Variants in FA2H observed in about 807,000 individuals in gnomAD.
The protein encoded by FA2H is fatty acid 2-hydroxylase.
In FA2H, 22 loss-of-function variants were observed where a neutral mutation model predicts 44.9. The ratio of observed to expected loss-of-function variants is 0.49; its 90% CI spans 0.35 to 0.70. The LOEUF is 0.70. Ranked by LOEUF, FA2H falls within the 30% of genes least tolerant of loss-of-function variation. FA2H has a pLI of 0.01. For synonymous variants in FA2H, 243 were observed against 213.2 expected, an observed-to-expected ratio of 1.14 and a Z score of -1.22; for missense variants, 501 against 504.9, an observed-to-expected ratio of 0.99 and a Z score of 0.07.
At chr16:74,752,593 G>A (rs1284057908) in intron 1 of FA2H, among the ~76,000 whole-genome samples, 5 of 152,122 alleles carry the variant, frequency 3.3e-5, no homozygotes, top group Admixed American at 3.3e-4. Context: ...TAATTATCAT[G>A]TCTGTCTCAC....
At chr16:74,750,781 G>GTGTGTGTGTA (rs1376634373) in intron 1 of FA2H, among the ~76,000 whole-genome samples, 26 of 151,322 alleles carry the variant, frequency 1.7e-4, no homozygotes, top group East Asian at 5.8e-4. Context: ...GTGTGTGTGT[G>GTGTGTGTGTA]TGTGTGTGTT....
chr16:74,732,757 C>A (rs186285173), intron 2 of FA2H, among the ~76,000 whole-genome samples: 1 of 152,106 alleles, frequency 6.6e-6, no homozygotes, highest in Admixed American at 6.6e-5. Context: ...AGGATTCATA[C>A]GTTGAATTCA....
rs763556766 is a variant in FA2H, at chr16:74,774,701, G to A, written c.55C>T (p.Arg19Cys). Residue 19 changes from arginine (R) to cysteine (C), a missense_variant, in exon 1 of 7, where the codon CGC becomes TGC. Arg to Cys is a radical substitution (Grantham distance 180). Transcript: ENST00000219368. The part of the protein sequence containing the change: ...ASFSPSEVQR[R>C]LAAGACWVRR... ...ACCCAGCACGCGCCGGCCGCCAGGC[G>A]CCGCTGGACCTCGGAGGGCGAGAAG... 3 of 1,368,502 alleles carry A rather than the reference G, an allele frequency of 2.2e-6. No homozygotes were observed. Among genetic ancestry groups the A allele is most frequent in the South Asian group, 1.8e-5 (1 of 55,032 alleles). 84.8% of individuals were successfully genotyped at this position (1,368,502 alleles called of 1,614,324 possible). A position where few individuals can be genotyped will look rare whatever the true frequency, so the allele number is the denominator to read the frequency against.
At chr16:74,725,140 G>A (rs1039041668) in intron 4 of FA2H, among the ~76,000 whole-genome samples, 3 of 152,194 alleles carry the variant, frequency 2.0e-5, no homozygotes, top group African/African-American at 4.8e-5. Context: ...CTCGGTGACC[G>A]GGAGGAGCTC....
intron 2 of FA2H, among the ~76,000 whole-genome samples, chr16:74,738,213 TAG>T (rs776783842): frequency 6.6e-6 from 1 of 151,790 alleles, no homozygotes; most frequent in East Asian, 1.9e-4. Context: ...AGTGAGTGTG[TAG>T]AGAGAGAATG....
chr16:74,768,104 A>G (rs1962841485), intron 1 of FA2H, among the ~76,000 whole-genome samples: 1 of 152,148 alleles, frequency 6.6e-6, no homozygotes, highest in Admixed American at 6.5e-5. Context: ...GTGTCATAAG[A>G]AAAAAAATAA....
chr16:74,729,424 G>A (rs1328859441), intron 2 of FA2H, among the ~76,000 whole-genome samples: 1 of 152,206 alleles, frequency 6.6e-6, no homozygotes, highest in African/African-American at 2.4e-5. Context: ...CTACAGGAGC[G>A]TGCCACTACG....
At chr16:74,732,371 C>T (rs1001762429) in intron 2 of FA2H, among the ~76,000 whole-genome samples, 1 of 152,208 alleles carries the variant, frequency 6.6e-6, no homozygotes, top group African/African-American at 2.4e-5. Flanking sequence ...AAATTTTAAT[C>T]TATTGATCTA....
chr16:74,769,236 G>A (rs1962861667), intron 1 of FA2H, among the ~76,000 whole-genome samples: 1 of 152,158 alleles, frequency 6.6e-6, no homozygotes, highest in African/African-American at 2.4e-5. Context: ...GGGACCACAG[G>A]TGCATGCCAC....
intron 1 of FA2H, among the ~76,000 whole-genome samples, chr16:74,745,441 G>A (rs1038639370): frequency 6.6e-6 from 1 of 152,230 alleles, no homozygotes; most frequent in Admixed American, 6.5e-5. Flanking sequence ...AGAGGCCACC[G>A]ATGCGTGGGG....
chr16:74,718,929 C>A, intron 5 of FA2H, 59 bp downstream of exon 5: 1 of 1,594,760 alleles, frequency 6.3e-7, no homozygotes, highest in South Asian at 1.1e-5. Context: ...CTGCGGCTGG[C>A]TGCCGGGCCC....
intron 1 of FA2H, among the ~76,000 whole-genome samples, chr16:74,755,654 T>G (rs1962598380): frequency 6.6e-6 from 1 of 152,206 alleles, no homozygotes; most frequent in Non-Finnish European, 1.5e-5. Flanking sequence ...ATTTCAAACA[T>G]ACAGCAAACT....
chr16:74,741,912 A>G (rs1350701784), intron 1 of FA2H, among the ~76,000 whole-genome samples: 1 of 149,094 alleles, frequency 6.7e-6, no homozygotes, highest in Non-Finnish European at 1.5e-5. Flanking sequence ...TACAAAGAAG[A>G]GTAGATTTTA....
intron 4 of FA2H, among the ~76,000 whole-genome samples, chr16:74,724,159 C>T (rs1036572737): frequency 6.6e-6 from 1 of 152,214 alleles, no homozygotes; most frequent in Admixed American, 6.5e-5. Flanking sequence ...ACCTCGGCCT[C>T]CCAAAGTGCT....
intron 1 of FA2H, among the ~76,000 whole-genome samples, chr16:74,755,110 T>C (rs1339912503): frequency 6.6e-6 from 1 of 151,370 alleles, no homozygotes. Flanking sequence ...CCTGTTGAAA[T>C]CTTGATGTCC....
At chr16:74,723,156 T>A (rs540838146) in intron 4 of FA2H, among the ~76,000 whole-genome samples, 2 of 152,348 alleles carry the variant, frequency 1.3e-5, no homozygotes, top group South Asian at 4.1e-4. Flanking sequence ...CTTGCTAATA[T>A]ATCAAATTGT....
chr16:74,746,229 G>T (rs1962420988), intron 1 of FA2H, among the ~76,000 whole-genome samples: 1 of 151,682 alleles, frequency 6.6e-6, no homozygotes, highest in Non-Finnish European at 1.5e-5. Context: ...GGGGACCAAG[G>T]GTTGTCAGAC....
chr16:74,770,887 G>A (rs1962893659), intron 1 of FA2H, among the ~76,000 whole-genome samples: 1 of 152,244 alleles, frequency 6.6e-6, no homozygotes, highest in African/African-American at 2.4e-5. Flanking sequence ...CGGGCTCTTA[G>A]GCAACAGATG....
rs539727112 is a variant in FA2H, at chr16:74,757,587, G to A, written c.270+16899C>T. Among the ~76,000 whole-genome samples the A allele has an allele frequency of 1.1e-4, 16 of 152,306 alleles. No homozygotes were observed. In the South Asian group the frequency reaches 2.1e-3, roughly 20 times the overall value. On this transcript the variant is annotated intron_variant, in intron 1 of 6. Coordinates refer to ENST00000219368, the MANE Select transcript of FA2H (RefSeq NM_024306.5). ...ATAGATAAAAGCATCAATAGGAACAGCTGTTAAAAAGAATGGAGTAAAATT... is the reference window on the plus strand; with the variant it reads ...ATAGATAAAAGCATCAATAGGAACAACTGTTAAAAAGAATGGAGTAAAATT...
Sources: gnomAD v4.1 joint callset for allele counts (sites outside exome capture counted in the v4.1 genomes callset) on GRCh38, gnomAD v4.1.1 for gene constraint, MANE v1.5 for transcripts, NCBI Gene and HGNC (gene_info 2026-07-23, HGNC 2026-07-21) for gene names.